ARHGAP44: variants seen among roughly 807,000 people sequenced by gnomAD.
ARHGAP44 encodes the protein rho GTPase-activating protein 44.
In ARHGAP44, 43 loss-of-function variants were observed where a neutral mutation model predicts 106.8. The ratio of observed to expected loss-of-function variants is 0.40; its 90% CI spans 0.32 to 0.52. The LOEUF is 0.52. Ranked by LOEUF, ARHGAP44 falls within the 20% of genes least tolerant of loss-of-function variation. The pLI, the probability that ARHGAP44 is intolerant of heterozygous loss-of-function variation, is 0.48. For missense variants in ARHGAP44, 866 were observed against 1,050.5 expected (o/e 0.82, Z 2.43); for synonymous variants, 439 against 410.3 (o/e 1.07, Z -0.85).
intron 5 of ARHGAP44, 71 bp downstream of exon 5, chr17:12,916,082 G>A: frequency 8.0e-7 from 1 of 1,248,058 alleles, no homozygotes; most frequent in Non-Finnish European, 1.2e-6. Context: ...CAATCATTCT[G>A]TTTCCAGCAT....
chr17:12,981,325 G>C (rs971867368), intron 19 of ARHGAP44, among the ~76,000 whole-genome samples: 2 of 152,078 alleles, frequency 1.3e-5, no homozygotes, highest in African/African-American at 4.8e-5. Flanking sequence ...GCCGGCGTGA[G>C]ATTTCAGCAT....
intron 1 of ARHGAP44, among the ~76,000 whole-genome samples, chr17:12,886,217 C>T (rs535633124): frequency 2.0e-4 from 31 of 152,134 alleles, no homozygotes; most frequent in Non-Finnish European, 4.0e-4. Flanking sequence ...TTGCCAAGAC[C>T]GTACTCTCTT....
intron 1 of ARHGAP44, among the ~76,000 whole-genome samples, chr17:12,833,537 T>C (rs1420277496): frequency 2.0e-5 from 3 of 152,226 alleles, no homozygotes; most frequent in Non-Finnish European, 2.9e-5. Flanking sequence ...GCTCTTCCTC[T>C]TCTTTCAGTT....
intron 1 of ARHGAP44, among the ~76,000 whole-genome samples, chr17:12,889,059 G>A (rs887506536): frequency 2.6e-5 from 4 of 151,994 alleles, no homozygotes. Flanking sequence ...GTTTAGGCTG[G>A]TTACATTTAA....
At chr17:12,966,655 C>T (rs1598132819) in intron 16 of ARHGAP44, among the ~76,000 whole-genome samples, 1 of 152,252 alleles carries the variant, frequency 6.6e-6, no homozygotes, top group African/African-American at 2.4e-5. Flanking sequence ...TGCACGCCTA[C>T]AGTGGGTGTT....
At chr17:12,791,341 A>G (rs1330013384) in intron 1 of ARHGAP44, among the ~76,000 whole-genome samples, 1 of 152,130 alleles carries the variant, frequency 6.6e-6, no homozygotes, top group Non-Finnish European at 1.5e-5. Context: ...TTGGATGCCG[A>G]GATAGTGTTT....
At chr17:12,869,854 A>G (rs956493186) in intron 1 of ARHGAP44, among the ~76,000 whole-genome samples, 2 of 152,030 alleles carry the variant, frequency 1.3e-5, no homozygotes, top group African/African-American at 4.8e-5. Flanking sequence ...ATATATCTTC[A>G]ATAGCTTTAC....
At chr17:12,964,731 G>A (rs2039348924) in intron 16 of ARHGAP44, among the ~76,000 whole-genome samples, 1 of 152,086 alleles carries the variant, frequency 6.6e-6, no homozygotes. Flanking sequence ...AGGTTGCAGT[G>A]AGCCAAGATC....
chr17:12,860,278 A>C (rs2036030939), intron 1 of ARHGAP44, among the ~76,000 whole-genome samples: 1 of 152,198 alleles, frequency 6.6e-6, no homozygotes. Context: ...ACTTCAATTT[A>C]TACTTTAAAG....
intron 3 of ARHGAP44, among the ~76,000 whole-genome samples, chr17:12,903,633 G>A (rs745624364): frequency 3.9e-5 from 6 of 152,146 alleles, no homozygotes; most frequent in Non-Finnish European, 8.8e-5. Flanking sequence ...TTGGGGAACA[G>A]GTGGTGTTGG....
chr17:12,968,945 A>T (rs370450302), intron 16 of ARHGAP44, among the ~76,000 whole-genome samples: 1 of 151,804 alleles, frequency 6.6e-6, no homozygotes, highest in Non-Finnish European at 1.5e-5. Flanking sequence ...AATTGTTTGT[A>T]TTTTTAGTAG....
intron 1 of ARHGAP44, among the ~76,000 whole-genome samples, chr17:12,792,216 T>C (rs1480628297): frequency 6.6e-6 from 1 of 152,214 alleles, no homozygotes; most frequent in Non-Finnish European, 1.5e-5. Flanking sequence ...TAGCTTTTTC[T>C]CATCATTTCA....
intron 1 of ARHGAP44, among the ~76,000 whole-genome samples, chr17:12,891,365 G>A (rs1216903126): frequency 6.6e-6 from 1 of 152,178 alleles, no homozygotes; most frequent in Admixed American, 6.5e-5. Flanking sequence ...AGTTCTGAAG[G>A]CTGGGAAGTT....
chr17:12,943,816 G>C (rs752997879), intron 9 of ARHGAP44, 147 bp downstream of exon 9: 32 of 1,011,372 alleles, frequency 3.2e-5, no homozygotes, highest in Non-Finnish European at 3.9e-5. Flanking sequence ...CTTCCAAACT[G>C]GTGCCTTGAG....
At chr17:12,910,383 T>C (rs2037690253) in intron 4 of ARHGAP44, among the ~76,000 whole-genome samples, 1 of 148,600 alleles carries the variant, frequency 6.7e-6, no homozygotes, top group South Asian at 2.1e-4. Flanking sequence ...AAATGTGTAG[T>C]ACATACACAT....
Position 12,903,140 on chromosome 17 carries a change from AGTGTGT to A in ARHGAP44, c.199-5716_199-5711del, listed in dbSNP as rs546197652. Reference sequence around the variant, plus strand: ...AGAGAGAGAGAGGAGAGAGAGAGAGAGTGTGTGTGTGTGTGTGTGTGTGTGTGTGTG... The same window carrying A: ...AGAGAGAGAGAGGAGAGAGAGAGAGAGTGTGTGTGTGTGTGTGTGTGTGTG... On this transcript the variant is annotated intron_variant, in intron 3 of 20. Transcript: ENST00000379672. 8.7e-3 allele frequency among the ~76,000 whole-genome samples: 501 copies of A among 57,410 alleles called. 3 individuals carry two copies. Among genetic ancestry groups the A allele is most frequent in the African/African-American group, 0.025 (402 of 15,846 alleles). 37.7% of individuals were successfully genotyped at this position (57,410 alleles called of 152,430 possible).
At chr17:12,835,895 ATTTGCCTTT>A (rs1567639202) in intron 1 of ARHGAP44, among the ~76,000 whole-genome samples, 1 of 152,088 alleles carries the variant, frequency 6.6e-6, no homozygotes, top group Admixed American at 6.6e-5. Flanking sequence ...ATCATACAAT[ATTTGCCTTT>A]TTGTGTCTGG....
chr17:12,873,389 G>T (rs2036457326), intron 1 of ARHGAP44, among the ~76,000 whole-genome samples: 1 of 152,126 alleles, frequency 6.6e-6, no homozygotes. Flanking sequence ...GAGTATTTCT[G>T]TACTTAGGTT....
At chr17:12,816,780 A>G (rs192179224) in intron 1 of ARHGAP44, among the ~76,000 whole-genome samples, 2 of 152,286 alleles carry the variant, frequency 1.3e-5, no homozygotes, top group Admixed American at 1.3e-4. Context: ...GATAGAACCA[A>G]AAGGACAAGT....
Sources: gnomAD v4.1 joint callset for allele counts (sites outside exome capture counted in the v4.1 genomes callset) on GRCh38, gnomAD v4.1.1 for gene constraint, MANE v1.5 for transcripts, NCBI Gene and HGNC (gene_info 2026-07-23, HGNC 2026-07-21) for gene names.